The following REV3L variants were observed in gnomAD, a reference collection of about 807,000 sequenced individuals.
REV3L encodes DNA polymerase zeta catalytic subunit.
In REV3L, 69 loss-of-function variants were observed where a neutral mutation model predicts 299.4. That is an observed-to-expected ratio of 0.23 (90% CI 0.19 to 0.28). The LOEUF is 0.28. REV3L is among the 10% of genes least tolerant of loss of function. The pLI is 1.00. For missense variants in REV3L, 3,128 were observed against 3,693.8 expected, an observed-to-expected ratio of 0.85 and a Z score of 3.97; for synonymous variants, 1,238 against 1,271.4, an observed-to-expected ratio of 0.97 and a Z score of 0.56.
In REV3L at chr6:111,341,758, G is replaced by C. The variant is rs557007102; in HGVS notation, c.7538+2167C>G. ...GGAGCTGTGCAAGTGGCAGGAGTTG[G>C]GGGGGGTCAGAAGTATAGCTGGATT... On this transcript the variant is annotated intron_variant, in intron 21 of 31. Transcript: ENST00000368802. Among the ~76,000 whole-genome samples, 155 of 150,862 alleles carry C rather than the reference G, an allele frequency of 1.0e-3. 2 individuals are homozygous for C. The highest frequency in any genetic ancestry group is 1.9e-3 in the Admixed American group (29 of 15,176).
chr6:111,311,441 G>T, intron 28 of REV3L, 182 bp from the exon 29 acceptor site: 1 of 429,150 alleles, frequency 2.3e-6, no homozygotes, highest in Non-Finnish European at 4.0e-6. Context: ...ACTTTAGAGA[G>T]CTTGCTATTT....
At chr6:111,455,806 G>T (rs1054142811) in intron 1 of REV3L, among the ~76,000 whole-genome samples, 1 of 152,132 alleles carries the variant, frequency 6.6e-6, no homozygotes, top group Non-Finnish European at 1.5e-5. Flanking sequence ...TAGGATAAAA[G>T]AACACAATGC....
chr6:111,328,291 G>C (rs959925893), intron 25 of REV3L, among the ~76,000 whole-genome samples: 1 of 152,100 alleles, frequency 6.6e-6, no homozygotes, highest in African/African-American at 2.4e-5. Context: ...TATTAATAGA[G>C]GCAAGGGCTC....
In REV3L at chr6:111,405,535, T is replaced by C; in HGVS notation, c.500A>G (p.Tyr167Cys). The change falls in exon 4 of 32, where the codon TAC becomes TGC. Residue 167 changes from tyrosine (Y) to cysteine (C), a missense_variant. Transcript: ENST00000368802. ...TATTAAATTCATGCCATAAAGATTG[T>C]AGTCAATGAAGAGCTGTAGGAGGTA... ...IPYLLQLFID[Y>C]NLYGMNLINL... The C allele has an allele frequency of 6.2e-7, 1 of 1,609,840 alleles. No individual in the cohort carries two copies. The highest frequency in any genetic ancestry group is 8.5e-7 in the Non-Finnish European group (1 of 1,178,106).
chr6:111,347,523 GATAATA>G (rs916092727), intron 20 of REV3L, among the ~76,000 whole-genome samples: 18 of 152,074 alleles, frequency 1.2e-4, no homozygotes, highest in South Asian at 2.1e-4. Context: ...GAGCCAAGAA[GATAATA>G]ATAATAAGTA....
intron 4 of REV3L, among the ~76,000 whole-genome samples, chr6:111,395,475 T>C (rs900239911): frequency 6.6e-6 from 1 of 152,184 alleles, no homozygotes; most frequent in Non-Finnish European, 1.5e-5. Context: ...CCTTAATAAA[T>C]GGGATTGTGT....
chr6:111,362,790 T>C (rs543181803), intron 16 of REV3L, among the ~76,000 whole-genome samples: 29 of 152,308 alleles, frequency 1.9e-4, no homozygotes, highest in Middle Eastern at 3.4e-3. Flanking sequence ...GAGTAAAAAA[T>C]AGTATTACAT....
At chr6:111,421,710 AT>A (rs1785381127) in intron 1 of REV3L, among the ~76,000 whole-genome samples, 1 of 152,138 alleles carries the variant, frequency 6.6e-6, no homozygotes, top group South Asian at 2.1e-4. Flanking sequence ...TGTAATTTGC[AT>A]ATCCCATCTC....
chr6:111,393,031 T>A (rs757029443), intron 4 of REV3L, 59 bp from the exon 5 acceptor site: 1 of 1,301,438 alleles, frequency 7.7e-7, no homozygotes. Flanking sequence ...TAATTACTTT[T>A]TAGAAGGTAA....
At chr6:111,379,251 T>C (rs1285541904) in intron 11 of REV3L, among the ~76,000 whole-genome samples, 1 of 152,216 alleles carries the variant, frequency 6.6e-6, no homozygotes, top group Non-Finnish European at 1.5e-5. Context: ...TTTCATCATA[T>C]ACATGTAAAC....
intron 30 of REV3L, chr6:111,309,579 T>C (rs1292302894): frequency 7.1e-6 from 2 of 280,120 alleles, no homozygotes; most frequent in Non-Finnish European, 1.3e-5. Flanking sequence ...GATTGGGGCA[T>C]GGCAGGCCAA....
At position 111,322,679 on chromosome 6, in the gene REV3L, C is replaced by A. The variant is rs1379990112; in HGVS notation, c.8242-1G>T. On this transcript the variant is annotated splice_acceptor_variant, in intron 25 of 31. Coordinates refer to ENST00000368802, the MANE Select transcript of REV3L (RefSeq NM_001372078.1). LOFTEE classifies it high-confidence loss of function. ...CTTTGTGAACAATACTATCGCCAACCTGTTGGTACAAACACATTGGAAATA... is the reference window on the plus strand; with the variant it reads ...CTTTGTGAACAATACTATCGCCAACATGTTGGTACAAACACATTGGAAATA... The A allele has an allele frequency of 6.2e-7, 1 of 1,611,626 alleles. No homozygotes were observed. The highest frequency in any genetic ancestry group is 8.5e-7 in the Non-Finnish European group (1 of 1,177,902).
chr6:111,366,129 T>A (rs541204737), intron 14 of REV3L, among the ~76,000 whole-genome samples: 1 of 152,272 alleles, frequency 6.6e-6, no homozygotes, highest in African/African-American at 2.4e-5. Flanking sequence ...CACTATTCAT[T>A]GAAATAAGGA....
chr6:111,328,796 C>T (rs1302017931), intron 25 of REV3L, among the ~76,000 whole-genome samples: 3 of 152,080 alleles, frequency 2.0e-5, no homozygotes, highest in East Asian at 1.9e-4. Context: ...GACAGGGTCT[C>T]GTTCTGTTAC....
At chr6:111,359,768 T>C (rs565296086) in intron 16 of REV3L, among the ~76,000 whole-genome samples, 1 of 152,198 alleles carries the variant, frequency 6.6e-6, no homozygotes, top group East Asian at 1.9e-4. Flanking sequence ...TTATACCTCA[T>C]CTTTTTATCA....
Position 111,368,036 on chromosome 6 carries a change from A to G in REV3L, c.5760-8T>C, listed in dbSNP as rs766789657. 5 of 1,565,852 alleles carry G rather than the reference A, an allele frequency of 3.2e-6. No homozygotes were observed. The highest frequency in any genetic ancestry group is 1.2e-5 in the South Asian group (1 of 82,334). Reference sequence around the variant, plus strand: ...AGCCGTCCACCAATCTCCCTATAATAACATATTTTAGAACAACTGTTTTGT... The same window carrying G: ...AGCCGTCCACCAATCTCCCTATAATGACATATTTTAGAACAACTGTTTTGT... On this transcript the variant is annotated splice_region_variant and splice_polypyrimidine_tract_variant and intron_variant, in intron 13 of 31. Transcript: ENST00000368802.
At chr6:111,342,471 A>G (rs1776605727) in intron 21 of REV3L, among the ~76,000 whole-genome samples, 1 of 152,140 alleles carries the variant, frequency 6.6e-6, no homozygotes, top group Admixed American at 6.5e-5. Flanking sequence ...GATCGAGCCC[A>G]TCCTGGCTAA....
intron 1 of REV3L, among the ~76,000 whole-genome samples, chr6:111,463,424 T>C (rs957244865): frequency 1.3e-5 from 2 of 152,250 alleles, no homozygotes; most frequent in Admixed American, 1.3e-4. Context: ...TATATTTCAC[T>C]GAATCCAAGA....
rs1421252641 is a variant in REV3L at position 111,475,549 on chromosome 6, T to C, written c.139+7201A>G. On this transcript the variant is annotated intron_variant, in intron 1 of 31. Transcript: ENST00000368802. ...CTATACATAACCTTTGCTCATTTGA[T>C]AGGTGACAAAGAGTATGTTGTAGCT... Among the ~76,000 whole-genome samples, 6 of 152,320 alleles carry C rather than the reference T, an allele frequency of 3.9e-5. No individual in the cohort carries two copies. The East Asian group carries it at 9.6e-4, about 24-fold the overall frequency.
Sources: gnomAD v4.1 joint callset for allele counts (sites outside exome capture counted in the v4.1 genomes callset) on GRCh38, gnomAD v4.1.1 for gene constraint, MANE v1.5 for transcripts, NCBI Gene and HGNC (gene_info 2026-07-23, HGNC 2026-07-21) for gene names.